ST18: variants seen among roughly 807,000 people sequenced by gnomAD.
ST18 encodes ST18 C2H2C-type zinc finger transcription factor.
A neutral mutation model predicts 110.0 loss-of-function variants in ST18; 50 were observed. The ratio of observed to expected loss-of-function variants is 0.45; its 90% confidence interval spans 0.36 to 0.58. The LOEUF (loss-of-function observed/expected upper bound fraction) is 0.58, where lower values mean the gene tolerates loss of function less well. Ranked by LOEUF, ST18 falls within the 20% of genes least tolerant of loss-of-function variation. The pLI, the probability that ST18 is intolerant of heterozygous loss-of-function variation, is 0.00. For missense variants in ST18, 1,306 were observed against 1,280.1 expected (o/e 1.02, Z -0.31); for synonymous variants, 461 against 452.4 (o/e 1.02, Z -0.24).
rs571875307 is a variant in ST18 at position 52,350,443 on chromosome 8, G to A, written c.-465+58885C>T. ...CAGAGACACCCACAGCTAGGAAATT[G>A]TAGGTCATGGCCCCAAACATCAGAG... On this transcript the variant is annotated intron_variant, in intron 2 of 25. Coordinates refer to ENST00000689386, the MANE Select transcript of ST18 (RefSeq NM_001352837.2). 5.3e-5 allele frequency among the ~76,000 whole-genome samples: 8 copies of A among 152,252 alleles called. No individual in the cohort carries two copies. In the South Asian group the frequency reaches 1.7e-3, roughly 32 times the overall value.
chr8:52,123,876 G>T (rs1489081888), intron 23 of ST18, among the ~76,000 whole-genome samples: 5 of 152,150 alleles, frequency 3.3e-5, no homozygotes, highest in African/African-American at 1.2e-4. Flanking sequence ...CTTAGGAGTG[G>T]CCTTGTAATT....
At chr8:52,370,322 A>G (rs781437783) in intron 2 of ST18, among the ~76,000 whole-genome samples, 1 of 152,166 alleles carries the variant, frequency 6.6e-6, no homozygotes, top group Non-Finnish European at 1.5e-5. Flanking sequence ...TTTCTTTGAT[A>G]TTTAATAAGG....
At chr8:52,164,793 ACT>A (rs1346603720) in intron 12 of ST18, among the ~76,000 whole-genome samples, 3 of 152,170 alleles carry the variant, frequency 2.0e-5, no homozygotes, top group Non-Finnish European at 4.4e-5. Context: ...CCTAGAAGCA[ACT>A]CTTTGCAATG....
chr8:52,213,527 C>T lies in ST18; in HGVS notation c.55+676G>A, dbSNP rs552611139. 2.6e-5 allele frequency among the ~76,000 whole-genome samples: 4 copies of T among 152,190 alleles called. No homozygotes were observed. In the South Asian group the frequency reaches 8.3e-4, roughly 32 times the overall value. On this transcript the variant is annotated intron_variant, in intron 7 of 25. Transcript: ENST00000689386. ...GCTGTGGCGAACCTAGAGTTTTCCACTTAGAATTAAGGGTCACAAAAATAT... is the reference window on the plus strand; with the variant it reads ...GCTGTGGCGAACCTAGAGTTTTCCATTTAGAATTAAGGGTCACAAAAATAT...
chr8:52,356,361 T>C (rs1460092819), intron 2 of ST18, among the ~76,000 whole-genome samples: 6 of 152,194 alleles, frequency 3.9e-5, no homozygotes, highest in Non-Finnish European at 8.8e-5. Flanking sequence ...CTAGGTCACC[T>C]CTAGCTAACA....
At chr8:52,336,954 T>C (rs6473704) in intron 2 of ST18, among the ~76,000 whole-genome samples, 146,542 of 152,304 alleles carry the variant, frequency 0.96, 70,731 homozygotes, top group East Asian at 1. Context: ...ATTTTTTCTA[T>C]GCTTAAAATA....
chr8:52,270,450 T>G (rs1270282380), intron 2 of ST18, among the ~76,000 whole-genome samples: 1 of 152,188 alleles, frequency 6.6e-6, no homozygotes. Context: ...ACACTCACGA[T>G]CTTCCCTCTT....
rs760691387 is a variant in ST18, at chr8:52,116,406, C to T, written c.2872G>A (p.Glu958Lys). The change falls in exon 25 of 26, where the codon GAG (glutamate) becomes AAG (lysine). Residue 958 changes from glutamate (E) to lysine (K), a missense_variant. Transcript: ENST00000689386. The part of the protein sequence containing the change: ...MKLQTQITSM[E>K]SNLKTIEEEN... ...TCCTCTATCGTCTTTAAGTTGCTCTCCATAGATGTGATCTACAACAGAAAT... is the reference window on the plus strand; with the variant it reads ...TCCTCTATCGTCTTTAAGTTGCTCTTCATAGATGTGATCTACAACAGAAAT... The T allele has an allele frequency of 1.9e-6, 3 of 1,612,920 alleles. No individual in the cohort carries two copies. In the South Asian group the frequency reaches 3.3e-5, roughly 18 times the overall value.
chr8:52,370,135 C>A (rs555988052), intron 2 of ST18, among the ~76,000 whole-genome samples: 1 of 152,268 alleles, frequency 6.6e-6, no homozygotes, highest in South Asian at 2.1e-4. Context: ...ATAGAAGCAC[C>A]ACTTTGGTTT....
chr8:52,166,349 C>T (rs1207029709), intron 11 of ST18, among the ~76,000 whole-genome samples: 1 of 152,206 alleles, frequency 6.6e-6, no homozygotes, highest in East Asian at 1.9e-4. Flanking sequence ...AGCCCAACTA[C>T]CTCCTTTACT....
At chr8:52,333,604 G>A (rs758613380) in intron 2 of ST18, among the ~76,000 whole-genome samples, 13 of 152,320 alleles carry the variant, frequency 8.5e-5, no homozygotes, top group African/African-American at 2.4e-4. Flanking sequence ...GGGTGGGGGC[G>A]AAGCCAGGGA....
chr8:52,401,484 T>TA (rs1447092618), intron 2 of ST18, among the ~76,000 whole-genome samples: 3 of 152,160 alleles, frequency 2.0e-5, no homozygotes, highest in African/African-American at 7.2e-5. Flanking sequence ...ATGAGTGTCT[T>TA]ATAAATCCCA....
intron 19 of ST18, among the ~76,000 whole-genome samples, chr8:52,133,763 G>A (rs930555522): frequency 1.1e-4 from 16 of 150,914 alleles, no homozygotes; most frequent in African/African-American, 3.9e-4. Context: ...ACAAAGTCTC[G>A]CTCTGTGGCC....
At chr8:52,182,118 C>G (rs1005502193) in intron 8 of ST18, among the ~76,000 whole-genome samples, 7 of 152,208 alleles carry the variant, frequency 4.6e-5, no homozygotes, top group Non-Finnish European at 8.8e-5. Context: ...GGAGAGGCTC[C>G]TACGTCATTC....
intron 2 of ST18, among the ~76,000 whole-genome samples, chr8:52,366,818 T>C (rs986336513): frequency 6.6e-6 from 1 of 152,242 alleles, no homozygotes; most frequent in South Asian, 2.1e-4. Context: ...GTAAACCCCA[T>C]GAGTTCAGGG....
rs911256052 is a variant in ST18 at position 52,395,444 on chromosome 8, G to A, written c.-465+13884C>T. Among the ~76,000 whole-genome samples the A allele has an allele frequency of 4.6e-5, 7 of 152,174 alleles. No homozygotes were observed. In the East Asian group the frequency reaches 9.6e-4, roughly 21 times the overall value. ...ACATTATTGAGAAGTTAGCATTTCC[G>A]TCAGGAAGTGAGGGCCTAAGGGAAC... On this transcript the variant is annotated intron_variant, in intron 2 of 25. Transcript: ENST00000689386.
At chr8:52,296,455 C>T (rs2095639305) in intron 2 of ST18, 1 of 152,232 alleles carries the variant, frequency 6.6e-6, no homozygotes, top group Non-Finnish European at 1.5e-5. Context: ...CCATCTTTAA[C>T]CACCTAATGC....
At chr8:52,302,892 A>G (rs1256237291) in intron 2 of ST18, among the ~76,000 whole-genome samples, 1 of 152,188 alleles carries the variant, frequency 6.6e-6, no homozygotes, top group Non-Finnish European at 1.5e-5. Context: ...CCATTTGTCA[A>G]TCATAATAGT....
chr8:52,323,515 T>G (rs924572800), intron 2 of ST18, among the ~76,000 whole-genome samples: 22 of 152,248 alleles, frequency 1.4e-4, no homozygotes, highest in African/African-American at 5.3e-4. Flanking sequence ...CTTCTCCTGC[T>G]GGGCTACAGC....
Sources: allele counts gnomAD v4.1 joint callset (sites outside exome capture counted in the v4.1 genomes callset), GRCh38; gene constraint gnomAD v4.1.1; transcripts MANE v1.5; gene names NCBI Gene and HGNC (gene_info 2026-07-23, HGNC 2026-07-21).